Variants in PRTG observed in about 807,000 individuals in gnomAD.
PRTG encodes protogenin.
PRTG carries 67 observed loss-of-function variants against 122.5 expected under a neutral mutation model. The observed-to-expected ratio is 0.55, with a 90% confidence interval of 0.45 to 0.67. The LOEUF (loss-of-function observed/expected upper bound fraction) is 0.67, where lower values mean the gene tolerates loss of function less well. Among genes scored for constraint, PRTG ranks in the 30% least tolerant of loss-of-function variants. PRTG has a pLI of 0.00. For synonymous variants in PRTG, 554 were observed against 501.1 expected (o/e 1.11, Z -1.41); for missense variants, 1,435 against 1,415.4 (o/e 1.01, Z -0.22).
At chr15:55,683,441 C>T (rs373479868) in intron 3 of PRTG, among the ~76,000 whole-genome samples, 69 of 152,222 alleles carry the variant, frequency 4.5e-4, no homozygotes, top group African/African-American at 1.6e-3. Flanking sequence ...CCAGGGCATA[C>T]ATGAAAGACC....
rs867990250 is a variant in PRTG, at chr15:55,617,075, C to G, written c.*2937G>C. On this transcript the variant is annotated 3_prime_UTR_variant, in exon 20 of 20. Coordinates refer to ENST00000389286, the MANE Select transcript of PRTG (RefSeq NM_173814.6). Reference sequence around the variant, plus strand: ...TGAAGTACAATACCATGAAGTAATACCACTATGAAAAATGAGTGAAAATCT... The same window carrying G: ...TGAAGTACAATACCATGAAGTAATAGCACTATGAAAAATGAGTGAAAATCT... 1 of 152,008 alleles carries G rather than the reference C, an allele frequency of 6.6e-6. No homozygotes were observed. Among genetic ancestry groups the G allele is most frequent in the African/African-American group, 2.4e-5 (1 of 41,376 alleles). The allele number at this position is 152,008 out of a possible 1,614,324, so 9.4% of individuals were successfully genotyped here.
chr15:55,733,309 G>A (rs1035771041), intron 2 of PRTG, among the ~76,000 whole-genome samples: 4 of 151,816 alleles, frequency 2.6e-5, no homozygotes, highest in South Asian at 2.1e-4. Flanking sequence ...TTGGGAGTTC[G>A]AGACCAGCCT....
intron 15 of PRTG, among the ~76,000 whole-genome samples, chr15:55,630,045 G>C (rs1420123887): frequency 6.7e-6 from 1 of 149,866 alleles, no homozygotes; most frequent in Non-Finnish European, 1.5e-5. Context: ...AGAGTGCAGC[G>C]GCACGATCTT....
intron 2 of PRTG, among the ~76,000 whole-genome samples, chr15:55,685,012 G>A (rs543867001): frequency 3.3e-5 from 5 of 152,188 alleles, no homozygotes; most frequent in African/African-American, 1.2e-4. Flanking sequence ...ACATTTTGAG[G>A]GAGTGTAAAT....
Position 55,682,499 on chromosome 15 carries a change from T to A in PRTG, c.543-2A>T. The A allele has an allele frequency of 6.9e-7, 1 of 1,447,882 alleles. No individual in the cohort carries two copies. The highest frequency in any genetic ancestry group is 9.2e-7 in the Non-Finnish European group (1 of 1,091,160). The allele number at this position is 1,447,882 out of a possible 1,614,324, so 89.7% of individuals were successfully genotyped here. A position where few individuals can be genotyped will look rare whatever the true frequency, so the allele number is the denominator to read the frequency against. On this transcript the variant is annotated splice_acceptor_variant, in intron 3 of 19. Transcript: ENST00000389286. LOFTEE classifies it high-confidence loss of function. ...ACTCCTGTTGGTAGGGCAGTTATCC[T>A]GTTATGAGAGAAAGATAATTAAACT...
chr15:55,702,434 A>C (rs536827890), intron 2 of PRTG, among the ~76,000 whole-genome samples: 1 of 152,330 alleles, frequency 6.6e-6, no homozygotes, highest in South Asian at 2.1e-4. Context: ...CAGTCAATAG[A>C]CATCTGATAA....
At chr15:55,709,939 C>T (rs187966882) in intron 2 of PRTG, among the ~76,000 whole-genome samples, 182 of 152,226 alleles carry the variant, frequency 1.2e-3, no homozygotes, top group African/African-American at 4.1e-3. Flanking sequence ...CATTGGTACA[C>T]ATATAGGTCA....
intron 11 of PRTG, among the ~76,000 whole-genome samples, chr15:55,650,032 G>A (rs2059345172): frequency 6.6e-6 from 1 of 152,086 alleles, no homozygotes; most frequent in African/African-American, 2.4e-5. Flanking sequence ...AACATCATAG[G>A]TGTCTTTTAG....
intron 2 of PRTG, among the ~76,000 whole-genome samples, chr15:55,735,834 G>T (rs1241689215): frequency 6.6e-6 from 1 of 151,618 alleles, no homozygotes; most frequent in Non-Finnish European, 1.5e-5. Flanking sequence ...AGAAAAACTG[G>T]TTCCATTACC....
intron 15 of PRTG, among the ~76,000 whole-genome samples, chr15:55,630,940 T>C (rs78529535): frequency 0.028 from 4,298 of 152,278 alleles, 84 homozygotes; most frequent in Non-Finnish European, 0.047. Flanking sequence ...CAAAGGTACC[T>C]ACTCCAGTGC....
intron 18 of PRTG, among the ~76,000 whole-genome samples, chr15:55,622,501 A>C (rs1479028730): frequency 6.6e-6 from 1 of 150,602 alleles, no homozygotes; most frequent in African/African-American, 2.4e-5. Flanking sequence ...CTTCTGCCTC[A>C]GTCTCCCAAG....
chr15:55,648,382 T>G (rs996829854), intron 11 of PRTG, among the ~76,000 whole-genome samples: 1 of 152,254 alleles, frequency 6.6e-6, no homozygotes, highest in Non-Finnish European at 1.5e-5. Flanking sequence ...ACTTGCTTAA[T>G]TCCATTCTAA....
intron 2 of PRTG, among the ~76,000 whole-genome samples, chr15:55,709,384 T>G (rs1463766074): frequency 3.4e-5 from 5 of 147,300 alleles, no homozygotes; most frequent in African/African-American, 1.2e-4. Context: ...ACAATATATA[T>G]ATATAGAGAG....
At chr15:55,692,038 AAAAAAT>A (rs1384015105) in intron 2 of PRTG, among the ~76,000 whole-genome samples, 2 of 152,182 alleles carry the variant, frequency 1.3e-5, no homozygotes, top group African/African-American at 4.8e-5. Flanking sequence ...CCTTGCCTCA[AAAAAAT>A]AAAAATAAAA....
intron 16 of PRTG, among the ~76,000 whole-genome samples, chr15:55,627,492 GTTTTTTTT>G (rs35022592): frequency 1.3e-4 from 14 of 104,788 alleles, no homozygotes; most frequent in African/African-American, 4.7e-4. Context: ...GCCCAGCTAA[GTTTTTTTT>G]TTTTTTTTTT....
intron 1 of PRTG, among the ~76,000 whole-genome samples, chr15:55,741,487 G>T (rs546009853): frequency 6.6e-6 from 1 of 152,326 alleles, no homozygotes; most frequent in Admixed American, 6.5e-5. Flanking sequence ...CAGAGCAGAG[G>T]AAAGGCTTTA....
rs922807804 is a variant in PRTG at position 55,618,887 on chromosome 15, G to A, written c.*1125C>T. The A allele has an allele frequency of 1.3e-5, 2 of 152,006 alleles. No individual in the cohort carries two copies. Among genetic ancestry groups the A allele is most frequent in the Non-Finnish European group, 2.9e-5 (2 of 68,004 alleles). The allele number at this position is 152,006 out of a possible 1,614,324, so 9.4% of individuals were successfully genotyped here. On this transcript the variant is annotated 3_prime_UTR_variant, in exon 20 of 20. Transcript: ENST00000389286. ...GAATTTCATTATACTGAAAGGCACT[G>A]TTACCATAATAACTTCGAGTTCATT...
intron 2 of PRTG, among the ~76,000 whole-genome samples, chr15:55,688,587 G>A (rs1438031197): frequency 6.6e-6 from 1 of 152,166 alleles, no homozygotes; most frequent in Non-Finnish European, 1.5e-5. Context: ...TGTAATCCCA[G>A]CACTTTGGGA....
At chr15:55,632,043 TG>T (rs2059230449) in intron 15 of PRTG, among the ~76,000 whole-genome samples, 1 of 152,190 alleles carries the variant, frequency 6.6e-6, no homozygotes, top group Non-Finnish European at 1.5e-5. Context: ...CACATGCTTA[TG>T]TGATTTTTTT....
Sources: gnomAD v4.1 joint callset for allele counts (sites outside exome capture counted in the v4.1 genomes callset) on GRCh38, gnomAD v4.1.1 for gene constraint, MANE v1.5 for transcripts, NCBI Gene and HGNC (gene_info 2026-07-23, HGNC 2026-07-21) for gene names.